The following ACSS3 variants were observed in gnomAD, a reference collection of about 807,000 sequenced individuals.
ACSS3 encodes the protein acyl-CoA synthetase short-chain family member 3, mitochondrial.
A neutral mutation model predicts 84.2 loss-of-function variants in ACSS3; 64 were observed. That is an observed-to-expected ratio of 0.76 (90% CI 0.62 to 0.94). ACSS3 has a LOEUF of 0.94. Among genes scored for constraint, ACSS3 ranks in the 40% least tolerant of loss-of-function variants. ACSS3 has a pLI of 0.00. For synonymous variants in ACSS3, 317 were observed against 310.1 expected (o/e 1.02, Z -0.23); for missense variants, 815 against 867.6 (o/e 0.94, Z 0.76).
intron 11 of ACSS3, among the ~76,000 whole-genome samples, chr12:81,221,044 T>A (rs1056538688): frequency 1.3e-5 from 2 of 152,092 alleles, no homozygotes; most frequent in African/African-American, 2.4e-5. Context: ...AACATTTTTT[T>A]AAATTATTGT....
At position 81,253,424 on chromosome 12, in the gene ACSS3, C is replaced by T; in HGVS notation, c.1819+18C>T. 1 of 1,613,636 alleles carries T rather than the reference C, an allele frequency of 6.2e-7. No individual in the cohort carries two copies. Among genetic ancestry groups the T allele is most frequent in the Non-Finnish European group, 8.5e-7 (1 of 1,179,662 alleles). On this transcript the variant is annotated intron_variant, in intron 14 of 15. Coordinates refer to ENST00000548058, the MANE Select transcript of ACSS3 (RefSeq NM_024560.4). ...GAGAAAAGGTGAGAGATCTTTTTCT[C>T]CCTGATTGCTTGGGACCTGAATAAT... is the stretch of plus-strand genomic sequence containing the variant.
chr12:81,161,730 T>C (rs1887159252), intron 7 of ACSS3, among the ~76,000 whole-genome samples: 1 of 152,186 alleles, frequency 6.6e-6, no homozygotes, highest in Non-Finnish European at 1.5e-5. Flanking sequence ...TGGCAGGCTG[T>C]GCTCAGCTTG....
At chr12:81,095,851 G>T (rs1489388704) in intron 1 of ACSS3, among the ~76,000 whole-genome samples, 1 of 152,144 alleles carries the variant, frequency 6.6e-6, no homozygotes, top group South Asian at 2.1e-4. Flanking sequence ...AGGAAGGATC[G>T]GTGGGACTAA....
chr12:81,258,624 T>C lies in ACSS3; in HGVS notation c.*3702T>C, dbSNP rs542499412. 232 of 152,286 alleles carry C rather than the reference T, an allele frequency of 1.5e-3. 1 individual carries two copies. Among genetic ancestry groups the C allele is most frequent in the African/African-American group, 5.2e-3 (215 of 41,570 alleles). 9.4% of individuals were successfully genotyped at this position (152,286 alleles called of 1,614,324 possible). A position where few individuals can be genotyped will look rare whatever the true frequency, so the allele number is the denominator to read the frequency against. ...TCTGTCTTTCATTTATTTCCTCTGATAAAACTGACTTCAGGGAAGTCGCAA... is the reference window on the plus strand; with the variant it reads ...TCTGTCTTTCATTTATTTCCTCTGACAAAACTGACTTCAGGGAAGTCGCAA... On this transcript the variant is annotated 3_prime_UTR_variant, in exon 16 of 16. Coordinates refer to ENST00000548058, the MANE Select transcript of ACSS3 (RefSeq NM_024560.4).
chr12:81,205,180 C>A (rs1023974188), intron 9 of ACSS3, among the ~76,000 whole-genome samples: 2 of 152,086 alleles, frequency 1.3e-5, no homozygotes, highest in Non-Finnish European at 2.9e-5. Flanking sequence ...AAAGTGGACC[C>A]AAAGGCTCCT....
intron 13 of ACSS3, among the ~76,000 whole-genome samples, chr12:81,238,301 T>A (rs547456364): frequency 6.6e-6 from 1 of 151,802 alleles, no homozygotes; most frequent in Non-Finnish European, 1.5e-5. Context: ...CTTATTTTAG[T>A]ATTAATACAA....
At chr12:81,120,938 C>A (rs1186156321) in intron 2 of ACSS3, among the ~76,000 whole-genome samples, 1 of 152,080 alleles carries the variant, frequency 6.6e-6, no homozygotes, top group Non-Finnish European at 1.5e-5. Flanking sequence ...GTCATAAATT[C>A]TTGGCACATA....
intron 10 of ACSS3, among the ~76,000 whole-genome samples, chr12:81,219,028 C>T (rs892614121): frequency 4.6e-5 from 7 of 151,978 alleles, no homozygotes; most frequent in Admixed American, 3.9e-4. Context: ...TTATTGAGTA[C>T]CTTATGCAAA....
At chr12:81,215,781 T>A (rs970734129) in intron 9 of ACSS3, among the ~76,000 whole-genome samples, 1 of 152,210 alleles carries the variant, frequency 6.6e-6, no homozygotes, top group Non-Finnish European at 1.5e-5. Context: ...CCAAACTTGC[T>A]TTTATGAATG....
intron 7 of ACSS3, 59 bp downstream of exon 7, chr12:81,152,155 T>A: frequency 1.4e-6 from 2 of 1,444,914 alleles, no homozygotes; most frequent in East Asian, 2.4e-5. Flanking sequence ...AAACTTTTCA[T>A]GAAGCAGTCC....
intron 8 of ACSS3, among the ~76,000 whole-genome samples, chr12:81,198,957 A>G (rs1002443624): frequency 2.6e-5 from 4 of 152,206 alleles, no homozygotes; most frequent in African/African-American, 9.6e-5. Context: ...TTTTTTGTGT[A>G]TATCCTTACT....
At chr12:81,169,934 A>T (rs2029899961) in intron 7 of ACSS3, among the ~76,000 whole-genome samples, 1 of 152,164 alleles carries the variant, frequency 6.6e-6, no homozygotes, top group South Asian at 2.1e-4. Flanking sequence ...CTGTGGAAAC[A>T]TTCCTTGGGT....
intron 7 of ACSS3, among the ~76,000 whole-genome samples, chr12:81,156,274 C>T (rs1886865765): frequency 6.6e-6 from 1 of 151,200 alleles, no homozygotes; most frequent in Non-Finnish European, 1.5e-5. Context: ...AAAGAAAGTA[C>T]ATCATATAAA....
intron 3 of ACSS3, among the ~76,000 whole-genome samples, chr12:81,137,673 G>C (rs1173877552): frequency 6.6e-6 from 1 of 152,134 alleles, no homozygotes; most frequent in Non-Finnish European, 1.5e-5. Context: ...CAGAGGAAGA[G>C]TCTAATTTTG....
Position 81,139,125 on chromosome 12 carries a change from T to C in ACSS3, c.646-6T>C, listed in dbSNP as rs2121575797. 2 of 1,611,014 alleles carry C rather than the reference T, an allele frequency of 1.2e-6. No homozygotes were observed. The highest frequency in any genetic ancestry group is 8.5e-7 in the Non-Finnish European group (1 of 1,178,686). ...CTTTCTCTCCATTATTATTTTTTAA[T>C]TGTAGCCCAAGGTGGTTGTTACAGC... On this transcript the variant is annotated splice_region_variant and splice_polypyrimidine_tract_variant and intron_variant, in intron 3 of 15. Transcript: ENST00000548058.
intron 8 of ACSS3, among the ~76,000 whole-genome samples, chr12:81,182,207 C>G (rs2030986144): frequency 6.6e-6 from 1 of 152,100 alleles, no homozygotes. Context: ...GCAGATTTCT[C>G]AGTAGAAGCC....
chr12:81,107,997 C>A (rs967011748), intron 1 of ACSS3, among the ~76,000 whole-genome samples: 1 of 151,698 alleles, frequency 6.6e-6, no homozygotes, highest in Admixed American at 6.6e-5. Flanking sequence ...GGATGAGCCC[C>A]AAATCAAGAG....
At chr12:81,133,298 A>C (rs1361322812) in intron 2 of ACSS3, among the ~76,000 whole-genome samples, 1 of 152,074 alleles carries the variant, frequency 6.6e-6, no homozygotes. Context: ...CATGTGACCT[A>C]ATTTCTTCTC....
chr12:81,178,474 A>AT lies in ACSS3; in HGVS notation c.1250+3536dup, dbSNP rs527770331. Reference sequence around the variant, plus strand: ...AAACTTAAAGTATAATAATAATAAAATAAAAAAAAACATTTCTATACACCA... The same window carrying AT: ...AAACTTAAAGTATAATAATAATAAAATTAAAAAAAAACATTTCTATACACCA... On this transcript the variant is annotated intron_variant, in intron 8 of 15. Transcript: ENST00000548058. 1.5e-3 allele frequency among the ~76,000 whole-genome samples: 169 copies of AT among 115,478 alleles called. 1 individual carries two copies. The highest frequency in any genetic ancestry group is 4.7e-3 in the African/African-American group (161 of 34,288). 75.8% of individuals were successfully genotyped at this position (115,478 alleles called of 152,430 possible).
Sources: allele counts gnomAD v4.1 joint callset (sites outside exome capture counted in the v4.1 genomes callset), GRCh38; gene constraint gnomAD v4.1.1; transcripts MANE v1.5; gene names NCBI Gene and HGNC (gene_info 2026-07-23, HGNC 2026-07-21).